The following FMN1 variants were observed in gnomAD, a reference collection of about 807,000 sequenced individuals.
FMN1 encodes formin-1.
In FMN1, 110 loss-of-function variants were observed where a neutral mutation model predicts 132.4. The observed-to-expected ratio is 0.83, with a 90% CI of 0.71 to 0.97. FMN1 has a LOEUF of 0.97. Ranked by LOEUF, FMN1 falls within the 50% of genes least tolerant of loss-of-function variation. The pLI, the probability that FMN1 is intolerant of heterozygous loss-of-function variation, is 0.00. For missense variants in FMN1, 1,792 were observed against 1,705.3 expected, an observed-to-expected ratio of 1.05 and a Z score of -0.90; for synonymous variants, 722 against 651.7, an observed-to-expected ratio of 1.11 and a Z score of -1.64.
At chr15:32,921,435 T>C (rs2060819331) in intron 10 of FMN1, among the ~76,000 whole-genome samples, 1 of 152,184 alleles carries the variant, frequency 6.6e-6, no homozygotes, top group African/African-American at 2.4e-5. Flanking sequence ...TGGCCAAGCA[T>C]GGAAAACATT....
At chr15:33,093,442 A>T (rs1480307006) in intron 4 of FMN1, among the ~76,000 whole-genome samples, 1 of 152,178 alleles carries the variant, frequency 6.6e-6, no homozygotes, top group East Asian at 1.9e-4. Context: ...TGTGGAGTGG[A>T]TGTGTGGCTG....
intron 4 of FMN1, among the ~76,000 whole-genome samples, chr15:33,147,580 C>T (rs972057422): frequency 2.6e-4 from 40 of 152,280 alleles, no homozygotes; most frequent in African/African-American, 9.6e-4. Context: ...AGGTGTTATC[C>T]TCAAAGCATA....
chr15:33,127,784 A>T (rs967658363), intron 4 of FMN1, among the ~76,000 whole-genome samples: 2 of 152,206 alleles, frequency 1.3e-5, no homozygotes, highest in African/African-American at 2.4e-5. Context: ...GTCTGTAGAG[A>T]ACTACATCTT....
At chr15:32,784,499 A>C (rs138224140) in intron 19 of FMN1, among the ~76,000 whole-genome samples, 2 of 152,300 alleles carry the variant, frequency 1.3e-5, no homozygotes, top group South Asian at 2.1e-4. Context: ...CTTCTTCCTA[A>C]AGAACTGTCT....
chr15:32,999,020 A>T lies in FMN1; in HGVS notation c.2223+8994T>A, dbSNP rs546051643. Among the ~76,000 whole-genome samples the T allele has an allele frequency of 3.3e-5, 5 of 152,350 alleles. No homozygotes were observed. In the East Asian group the frequency reaches 9.6e-4, roughly 29 times the overall value. ...TCAACACTAGTAAACCAGTAAATCT[A>T]GTAACCTCACAACATTTCACAGTCA... On this transcript the variant is annotated intron_variant, in intron 7 of 20. Transcript: ENST00000616417.
intron 17 of FMN1, among the ~76,000 whole-genome samples, chr15:32,848,120 G>GA (rs1341921671): frequency 6.6e-6 from 1 of 151,640 alleles, no homozygotes; most frequent in East Asian, 1.9e-4. Flanking sequence ...ATGGCAATAA[G>GA]AAAAAAAATA....
At chr15:32,991,503 A>T (rs1227612148) in intron 7 of FMN1, among the ~76,000 whole-genome samples, 2 of 152,176 alleles carry the variant, frequency 1.3e-5, no homozygotes, top group East Asian at 3.8e-4. Context: ...CAATCTAGGG[A>T]GCATCAGGGC....
intron 14 of FMN1, 120 bp downstream of exon 14, chr15:32,899,859 T>G: frequency 3.1e-6 from 3 of 977,258 alleles, no homozygotes; most frequent in East Asian, 4.8e-5. Flanking sequence ...TGCTCTAATA[T>G]AAATGTTGTT....
intron 17 of FMN1, among the ~76,000 whole-genome samples, chr15:32,856,044 C>A (rs560016605): frequency 6.6e-6 from 1 of 152,304 alleles, no homozygotes; most frequent in South Asian, 2.1e-4. Flanking sequence ...GCAATGGTCT[C>A]TGCACCAAGG....
intron 17 of FMN1, among the ~76,000 whole-genome samples, chr15:32,821,889 C>G (rs1009251800): frequency 6.6e-6 from 1 of 152,172 alleles, no homozygotes; most frequent in Admixed American, 6.5e-5. Flanking sequence ...ACGGTCACAT[C>G]CAATGCCTCA....
At chr15:33,005,207 A>AC (rs1053159960) in intron 7 of FMN1, among the ~76,000 whole-genome samples, 1 of 152,094 alleles carries the variant, frequency 6.6e-6, no homozygotes, top group African/African-American at 2.4e-5. Flanking sequence ...TTAAAAAAAA[A>AC]AAACTACAGC....
intron 7 of FMN1, among the ~76,000 whole-genome samples, chr15:32,984,961 G>T (rs1281625233): frequency 2.2e-5 from 2 of 90,284 alleles, no homozygotes; most frequent in African/African-American, 4.4e-5. Context: ...CCTTTTCTCT[G>T]TTTGTTCATC....
chr15:32,804,383 G>T, intron 17 of FMN1, 51 bp from the exon 18 acceptor site: 1 of 985,908 alleles, frequency 1.0e-6, no homozygotes, highest in Non-Finnish European at 1.4e-6. Flanking sequence ...TGTCTCCTTT[G>T]CGTAATCTTA....
chr15:33,068,708 A>T (rs2037864472), intron 5 of FMN1, among the ~76,000 whole-genome samples: 1 of 151,814 alleles, frequency 6.6e-6, no homozygotes, highest in Non-Finnish European at 1.5e-5. Flanking sequence ...CCCGTGAGGG[A>T]TAACCCACAC....
chr15:32,964,401 TTA>T (rs1339536826), intron 8 of FMN1, 144 bp from the exon 9 acceptor site: 1 of 610,524 alleles, frequency 1.6e-6, no homozygotes, highest in African/African-American at 1.8e-5. Flanking sequence ...GAAAAGCTTT[TTA>T]TGTTACGCAT....
At position 32,888,275 on chromosome 15, in the gene FMN1, CTT is replaced by C; in HGVS notation, c.3730_3731del (p.Lys1244GlufsTer20). 1 of 1,611,908 alleles carries C rather than the reference CTT, an allele frequency of 6.2e-7. No homozygotes were observed. Among genetic ancestry groups the C allele is most frequent in the Non-Finnish European group, 8.5e-7 (1 of 1,179,154 alleles). ...GTGGTTCCGGCAAGGGGAAAACACTCTTTTCTGTTCCAGCTTCCTAAGAGATA... is the reference window on the plus strand; with the variant it reads ...GTGGTTCCGGCAAGGGGAAAACACTCTTCTGTTCCAGCTTCCTAAGAGATA... ...RYYDQEAGTEKSVFPLPEPQD... is the reference protein window; with the variant it reads ...RYYDQEAGTEXSVFPLPEPQD... On this transcript the variant is annotated frameshift_variant, in exon 16 of 21. Coordinates refer to ENST00000616417, the MANE Select transcript of FMN1 (RefSeq NM_001277313.2). LOFTEE classifies it high-confidence loss of function.
chr15:33,183,841 G>A (rs1315265951), intron 2 of FMN1, among the ~76,000 whole-genome samples: 1 of 152,094 alleles, frequency 6.6e-6, no homozygotes, highest in African/African-American at 2.4e-5. Context: ...GAAAGGGTGG[G>A]GAGGATGTTT....
At chr15:33,187,006 G>C (rs898422731) in intron 2 of FMN1, among the ~76,000 whole-genome samples, 1 of 152,130 alleles carries the variant, frequency 6.6e-6, no homozygotes, top group African/African-American at 2.4e-5. Context: ...GGTTTAACTA[G>C]TCCTGCCCAG....
chr15:33,113,248 T>TC (rs78357850), intron 4 of FMN1, among the ~76,000 whole-genome samples: 54,283 of 152,056 alleles, frequency 0.36, 10,436 homozygotes, highest in South Asian at 0.42. Flanking sequence ...GTCAGTGGGC[T>TC]CCTTGACATG....
Sources: gnomAD v4.1 joint callset for allele counts (sites outside exome capture counted in the v4.1 genomes callset) on GRCh38, gnomAD v4.1.1 for gene constraint, MANE v1.5 for transcripts, NCBI Gene and HGNC (gene_info 2026-07-23, HGNC 2026-07-21) for gene names.